JAKMIP1: variants seen among roughly 807,000 people sequenced by gnomAD.
The protein encoded by JAKMIP1 is janus kinase and microtubule interacting protein 1, also known as janus kinase and microtubule-interacting protein 1.
In JAKMIP1, 33 loss-of-function variants were observed where a neutral mutation model predicts 113.0. The observed-to-expected ratio is 0.29, with a 90% confidence interval of 0.22 to 0.39. The LOEUF is 0.39. JAKMIP1 is among the 10% of genes least tolerant of loss of function. The probability of loss-of-function intolerance (pLI) is 1.00; values close to 1 mark genes in which losing one functional copy is unlikely to be tolerated. For synonymous variants in JAKMIP1, 480 were observed against 459.9 expected, an observed-to-expected ratio of 1.04 and a Z score of -0.56; for missense variants, 813 against 1,080.5, an observed-to-expected ratio of 0.75 and a Z score of 3.47.
Position 6,106,440 on chromosome 4 carries a change from T to A in JAKMIP1, c.130-473A>T, listed in dbSNP as rs1451991242. 2.0e-5 allele frequency among the ~76,000 whole-genome samples: 3 copies of A among 152,094 alleles called. No individual in the cohort carries two copies. In the East Asian group the frequency reaches 5.8e-4, roughly 29 times the overall value. Reference sequence around the variant, plus strand: ...CACCATTCTTGTTGAGTGGGGTCCCTAGCTGGGCTGGGGGCTCCAATGCAT... The same window carrying A: ...CACCATTCTTGTTGAGTGGGGTCCCAAGCTGGGCTGGGGGCTCCAATGCAT... On this transcript the variant is annotated intron_variant, in intron 2 of 20. Transcript: ENST00000409021. The surrounding 1 kb of genome is among the most constrained non-coding windows in gnomAD (Gnocchi z 5.9).
At position 6,089,968 on chromosome 4, in the gene JAKMIP1, T is replaced by A. The variant is rs571855676; in HGVS notation, c.625-4339A>T. 2.0e-5 allele frequency among the ~76,000 whole-genome samples: 3 copies of A among 152,266 alleles called. No individual in the cohort carries two copies. The South Asian group carries it at 6.2e-4, about 32-fold the overall frequency. On this transcript the variant is annotated intron_variant, in intron 3 of 20. Transcript: ENST00000409021. This position sits in a 1 kb window ranked among gnomAD's most constrained non-coding sequence, Gnocchi z 5.3. ...CCTTAAAAGAAGAGGACACCTGTAA[T>A]CCCAGCACTTTGGGAGGCCGAGGCA...
chr4:6,125,839 AC>A lies in JAKMIP1; in HGVS notation c.-147-12843del, dbSNP rs1437967301. On this transcript the variant is annotated intron_variant, in intron 1 of 20. Coordinates refer to ENST00000409021, the MANE Select transcript of JAKMIP1 (RefSeq NM_001099433.2). Reference sequence around the variant, plus strand: ...CACACCATACACACCATGCAGAAACACACACACACCCCCCATACAGAAACTC... The same window carrying A: ...CACACCATACACACCATGCAGAAACAACACACACCCCCCATACAGAAACTC... Among the ~76,000 whole-genome samples the A allele has an allele frequency of 9.9e-4, 62 of 62,734 alleles. 1 individual carries two copies. The highest frequency in any genetic ancestry group is 7.9e-4 in the Non-Finnish European group (27 of 34,224). 41.2% of individuals were successfully genotyped at this position (62,734 alleles called of 152,430 possible). A position where few individuals can be genotyped will look rare whatever the true frequency, so the allele number is the denominator to read the frequency against.
chr4:6,060,253 G>C (rs1004645356), intron 11 of JAKMIP1, among the ~76,000 whole-genome samples, 171 bp downstream of exon 11: 1 of 152,224 alleles, frequency 6.6e-6, no homozygotes, highest in African/African-American at 2.4e-5. Context: ...CACAGGTACA[G>C]TAGGGAGCAC....
chr4:6,033,998 G>A (rs1713073973), intron 19 of JAKMIP1, among the ~76,000 whole-genome samples: 1 of 152,042 alleles, frequency 6.6e-6, no homozygotes, highest in Non-Finnish European at 1.5e-5. Context: ...CCTTCATCCA[G>A]CTGTTTTGTC....
intron 18 of JAKMIP1, among the ~76,000 whole-genome samples, chr4:6,038,258 G>A (rs905543579): frequency 6.7e-6 from 1 of 148,720 alleles, no homozygotes; most frequent in Non-Finnish European, 1.5e-5. Flanking sequence ...TAACCCAGTA[G>A]CCCTCCAACA....
chr4:6,040,839 TTGG>T lies in JAKMIP1; in HGVS notation c.2098-126_2098-124del, dbSNP rs1714212273. ...TGGGGGCACTCAGATGAGAAGGGACTTGGTGGTCTTCCCCGTTTGCCCCCACAT... is the reference window on the plus strand; with the variant it reads ...TGGGGGCACTCAGATGAGAAGGGACTTGGTCTTCCCCGTTTGCCCCCACAT... On this transcript the variant is annotated intron_variant, in intron 17 of 20. Transcript: ENST00000409021. This position sits in a 1 kb window ranked among gnomAD's most constrained non-coding sequence, Gnocchi z 5.8. The T allele has an allele frequency of 1.4e-6, 1 of 737,608 alleles. No homozygotes were observed. The highest frequency in any genetic ancestry group is 2.4e-6 in the Non-Finnish European group (1 of 423,956). The allele number at this position is 737,608 out of a possible 1,614,324, so 45.7% of individuals were successfully genotyped here.
intron 1 of JAKMIP1, among the ~76,000 whole-genome samples, chr4:6,196,583 G>A (rs776492375): frequency 7.2e-5 from 11 of 152,150 alleles, no homozygotes; most frequent in Non-Finnish European, 1.3e-4. Flanking sequence ...GCCAGGTGCG[G>A]TGGCTCACGC....
chr4:6,087,669 A>G (rs4688967), intron 3 of JAKMIP1, among the ~76,000 whole-genome samples: 138,952 of 152,234 alleles, frequency 0.91, 64,157 homozygotes, highest in East Asian at 1. Flanking sequence ...TAATTGACAT[A>G]GAGTTCAGGA....
chr4:6,050,755 C>CAAAAAAAAAA lies in JAKMIP1; in HGVS notation c.1807-77_1807-76insTTTTTTTTTT. The CAAAAAAAAAA allele has an allele frequency of 8.2e-7, 1 of 1,224,228 alleles. No homozygotes were observed. Among genetic ancestry groups the CAAAAAAAAAA allele is most frequent in the Admixed American group, 2.1e-5 (1 of 47,916 alleles). The allele number at this position is 1,224,228 out of a possible 1,614,324, so 75.8% of individuals were successfully genotyped here. The stretch of plus-strand genomic sequence containing the variant: ...CTTGCCATTTTCCCACGTTACTCAG[C>CAAAAAAAAAA]AAAAACCAAGGAATTCCAGTGGGCA... On this transcript the variant is annotated intron_variant, in intron 13 of 20. Transcript: ENST00000409021. The surrounding 1 kb of genome is among the most constrained non-coding windows in gnomAD (Gnocchi z 7.4).
chr4:6,049,576 T>C lies in JAKMIP1; in HGVS notation c.1962+243A>G, dbSNP rs1281827448. On this transcript the variant is annotated intron_variant, in intron 15 of 20. Transcript: ENST00000409021. The surrounding 1 kb of genome is among the most constrained non-coding windows in gnomAD (Gnocchi z 7.0). ...CTCCACCTGCATTCTGGGTAGGGAT[T>C]CTGAGGCTTTCCCGTCCCCTCCTCA... Among the ~76,000 whole-genome samples, 1 of 151,978 alleles carries C rather than the reference T, an allele frequency of 6.6e-6. No homozygotes were observed. The highest frequency in any genetic ancestry group is 6.6e-5 in the Admixed American group (1 of 15,230).
intron 1 of JAKMIP1, among the ~76,000 whole-genome samples, chr4:6,133,920 A>G (rs1476340167): frequency 6.6e-6 from 1 of 152,196 alleles, no homozygotes; most frequent in Non-Finnish European, 1.5e-5. Context: ...GGATGACCAG[A>G]CGGAGGGGGC....
At chr4:6,104,106 A>T (rs996747357) in intron 3 of JAKMIP1, among the ~76,000 whole-genome samples, 31 of 152,206 alleles carry the variant, frequency 2.0e-4, no homozygotes, top group African/African-American at 7.2e-4. Flanking sequence ...TGCTCTAAGG[A>T]CTAATTACAA....
At chr4:6,128,371 G>A (rs1249388487) in intron 1 of JAKMIP1, among the ~76,000 whole-genome samples, 2 of 152,274 alleles carry the variant, frequency 1.3e-5, no homozygotes, top group East Asian at 3.9e-4. Context: ...TTCTCCAAAT[G>A]GGTGGACAGA....
In JAKMIP1 at chr4:6,194,945, T is replaced by G. The variant is rs2109066810; in HGVS notation, c.-148+5308A>C. On this transcript the variant is annotated intron_variant, in intron 1 of 20. Coordinates refer to ENST00000409021, the MANE Select transcript of JAKMIP1 (RefSeq NM_001099433.2). The surrounding 1 kb of genome is among the most constrained non-coding windows in gnomAD (Gnocchi z 7.4). ...GGGGAACAGGCTGACCTAACACAAG[T>G]GGGCGGTGGTGCCCAACAAAGGGAC... 6.6e-6 allele frequency among the ~76,000 whole-genome samples: 1 copy of G among 151,728 alleles called. No homozygotes were observed. Among genetic ancestry groups the G allele is most frequent in the Admixed American group, 6.6e-5 (1 of 15,264 alleles).
In JAKMIP1 at chr4:6,167,599, G is replaced by T. The variant is rs573752324; in HGVS notation, c.-148+32654C>A. Among the ~76,000 whole-genome samples, 52 of 152,242 alleles carry T rather than the reference G, an allele frequency of 3.4e-4. No homozygotes were observed. The highest frequency in any genetic ancestry group is 6.9e-4 in the Non-Finnish European group (47 of 68,022). On this transcript the variant is annotated intron_variant, in intron 1 of 20. Coordinates refer to ENST00000409021, the MANE Select transcript of JAKMIP1 (RefSeq NM_001099433.2). The surrounding 1 kb of genome is among the most constrained non-coding windows in gnomAD (Gnocchi z 5.3). ...ATTCTTAACCATTTTTTAACAAGGAGCCCCAAAAACTACATAGCCGTTTCT... is the reference window on the plus strand; with the variant it reads ...ATTCTTAACCATTTTTTAACAAGGATCCCCAAAAACTACATAGCCGTTTCT...
At chr4:6,145,899 GT>G (rs1242745792) in intron 1 of JAKMIP1, among the ~76,000 whole-genome samples, 1 of 152,090 alleles carries the variant, frequency 6.6e-6, no homozygotes, top group Admixed American at 6.6e-5. Flanking sequence ...AATGACCTCA[GT>G]TTAATGTAAC....
rs893103160 is a variant in JAKMIP1 at position 6,139,899 on chromosome 4, C to G, written c.-147-26902G>C. ...GCAGATTCCACGAGCCAAGGAATAC[C>G]AAGGACTGCCACCAAAGCACAGGAA... On this transcript the variant is annotated intron_variant, in intron 1 of 20. Coordinates refer to ENST00000409021, the MANE Select transcript of JAKMIP1 (RefSeq NM_001099433.2). This position sits in a 1 kb window ranked among gnomAD's most constrained non-coding sequence, Gnocchi z 5.2. Among the ~76,000 whole-genome samples the G allele has an allele frequency of 6.6e-6, 1 of 152,032 alleles. No homozygotes were observed. The highest frequency in any genetic ancestry group is 1.5e-5 in the Non-Finnish European group (1 of 68,028).
At chr4:6,107,193 C>CT (rs1363346664) in intron 2 of JAKMIP1, among the ~76,000 whole-genome samples, 1 of 152,154 alleles carries the variant, frequency 6.6e-6, no homozygotes, top group Non-Finnish European at 1.5e-5. Context: ...GAAGCCAGAA[C>CT]TTTAAGTATT....
At chr4:6,109,359 T>G (rs917331438) in intron 2 of JAKMIP1, among the ~76,000 whole-genome samples, 1 of 151,842 alleles carries the variant, frequency 6.6e-6, no homozygotes, top group Non-Finnish European at 1.5e-5. Flanking sequence ...GGTCTCGATC[T>G]CCTGACCTCA....
Sources: gnomAD v4.1 joint callset for allele counts (sites outside exome capture counted in the v4.1 genomes callset) on GRCh38, gnomAD v4.1.1 for gene constraint, Gnocchi (gnomAD v3.1) non-coding constraint, MANE v1.5 for transcripts, NCBI Gene and HGNC (gene_info 2026-07-23, HGNC 2026-07-21) for gene names.